CLIC4: variants seen among roughly 807,000 people sequenced by gnomAD.
CLIC4 encodes CLIC family member 4.
A neutral mutation model predicts 24.6 loss-of-function variants in CLIC4; 13 were observed. That is an observed-to-expected ratio of 0.53 (90% CI 0.34 to 0.84). The LOEUF (loss-of-function observed/expected upper bound fraction) is 0.84. Ranked by LOEUF, CLIC4 falls within the 40% of genes least tolerant of loss-of-function variation. The pLI is 0.01. For missense variants in CLIC4, 227 were observed against 301.7 expected (o/e 0.75, Z 1.83); for synonymous variants, 104 against 111.3 (o/e 0.93, Z 0.41).
intron 2 of CLIC4, among the ~76,000 whole-genome samples, chr1:24,799,544 T>A (rs1460663471): frequency 1.3e-4 from 20 of 148,780 alleles, no homozygotes; most frequent in African/African-American, 4.2e-4. Context: ...AGCCCCCCCA[T>A]CTGGGAAGTG....
intron 1 of CLIC4, among the ~76,000 whole-genome samples, chr1:24,748,546 C>T (rs528868148): frequency 1.2e-4 from 15 of 124,022 alleles, no homozygotes; most frequent in Middle Eastern, 5.0e-3. Context: ...CTCGCTCTGT[C>T]ACCCTGGCTG....
intron 3 of CLIC4, among the ~76,000 whole-genome samples, chr1:24,814,756 A>G (rs1477039331): frequency 6.6e-6 from 1 of 152,232 alleles, no homozygotes; most frequent in East Asian, 1.9e-4. Context: ...GATGTACTGT[A>G]ATGATAGTTA....
chr1:24,768,852 G>C (rs1639039118), intron 1 of CLIC4, among the ~76,000 whole-genome samples: 2 of 145,994 alleles, frequency 1.4e-5, no homozygotes, highest in Non-Finnish European at 3.0e-5. Flanking sequence ...AGTGAGCCGA[G>C]ATTGTGCCAC....
intron 1 of CLIC4, among the ~76,000 whole-genome samples, chr1:24,760,860 AG>A (rs1035474035): frequency 3.3e-4 from 51 of 152,240 alleles, no homozygotes; most frequent in Admixed American, 1.0e-3. Context: ...TGACAATGAT[AG>A]GGGGTGCTAT....
intron 3 of CLIC4, among the ~76,000 whole-genome samples, chr1:24,822,266 G>A (rs1639742117): frequency 6.6e-6 from 1 of 150,968 alleles, no homozygotes; most frequent in South Asian, 2.1e-4. Flanking sequence ...AAAGGTAGGA[G>A]AGAAATCAAA....
intron 4 of CLIC4, among the ~76,000 whole-genome samples, chr1:24,830,300 T>C (rs900926705): frequency 1.1e-4 from 16 of 152,204 alleles, no homozygotes; most frequent in African/African-American, 3.9e-4. Context: ...ATTATGTGCA[T>C]ACATTATGCA....
At chr1:24,803,727 A>T (rs1207124212) in intron 2 of CLIC4, among the ~76,000 whole-genome samples, 1 of 152,232 alleles carries the variant, frequency 6.6e-6, no homozygotes, top group African/African-American at 2.4e-5. Flanking sequence ...GGGCAGAGTT[A>T]AAGATGTTCT....
intron 3 of CLIC4, among the ~76,000 whole-genome samples, chr1:24,826,160 T>C (rs1302713867): frequency 6.6e-6 from 1 of 152,224 alleles, no homozygotes; most frequent in Non-Finnish European, 1.5e-5. Flanking sequence ...AGAAAGCTGG[T>C]GTATTACATC....
Position 24,745,535 on chromosome 1 carries a change from G to T in CLIC4, c.-19G>T. On this transcript the variant is annotated 5_prime_UTR_variant, in exon 1 of 6. Transcript: ENST00000374379. ...GCAGCAGCAGCCCTCGCCGTTCGCG[G>T]AGCGCAGCCGAGCCGGCCATGGCGT... 2 of 1,575,742 alleles carry T rather than the reference G, an allele frequency of 1.3e-6. No homozygotes were observed. The highest frequency in any genetic ancestry group is 1.7e-6 in the Non-Finnish European group (2 of 1,164,808).
At chr1:24,818,200 T>G (rs2124156987) in intron 3 of CLIC4, among the ~76,000 whole-genome samples, 1 of 152,244 alleles carries the variant, frequency 6.6e-6, no homozygotes, top group South Asian at 2.1e-4. Context: ...AAACGTAATA[T>G]CTGCAAAGCA....
intron 1 of CLIC4, chr1:24,777,947 C>T (rs1235194131): frequency 1.3e-5 from 2 of 152,144 alleles, no homozygotes; most frequent in African/African-American, 2.4e-5. Flanking sequence ...TGAATTGTCC[C>T]AATTTTAGTA....
At chr1:24,816,262 G>A (rs1451521595) in intron 3 of CLIC4, among the ~76,000 whole-genome samples, 1 of 113,358 alleles carries the variant, frequency 8.8e-6, no homozygotes, top group Non-Finnish European at 1.9e-5. Flanking sequence ...TTTTTGGACG[G>A]AGTTTTCGTT....
At chr1:24,748,116 G>A (rs1168628086) in intron 1 of CLIC4, among the ~76,000 whole-genome samples, 4 of 151,976 alleles carry the variant, frequency 2.6e-5, no homozygotes, top group Non-Finnish European at 5.9e-5. Context: ...AAGAAGACAA[G>A]AAAAATTAAG....
At chr1:24,829,457 C>T (rs763200142) in intron 4 of CLIC4, among the ~76,000 whole-genome samples, 1 of 152,030 alleles carries the variant, frequency 6.6e-6, no homozygotes, top group Non-Finnish European at 1.5e-5. Flanking sequence ...GTTTATGTAA[C>T]CATTTAGGCA....
intron 1 of CLIC4, among the ~76,000 whole-genome samples, chr1:24,782,562 AATAT>A (rs1268766239): frequency 6.6e-6 from 1 of 152,236 alleles, no homozygotes; most frequent in Non-Finnish European, 1.5e-5. Context: ...TCTTGAAGAT[AATAT>A]ATAAATGATG....
rs1286371917 is a variant in CLIC4 at position 24,842,656 on chromosome 1, T to G, written c.*1719T>G. 1 of 152,194 alleles carries G rather than the reference T, an allele frequency of 6.6e-6. No individual in the cohort carries two copies. The highest frequency in any genetic ancestry group is 1.5e-5 in the Non-Finnish European group (1 of 68,012). The allele number at this position is 152,194 out of a possible 1,614,324, so 9.4% of individuals were successfully genotyped here. On this transcript the variant is annotated 3_prime_UTR_variant, in exon 6 of 6. Coordinates refer to ENST00000374379, the MANE Select transcript of CLIC4 (RefSeq NM_013943.3). Reference sequence around the variant, plus strand: ...AGGAAGATTCTTTGCCTTACCTTTCTTAGAACTCTTTATTGCTTATCAAAA... The same window carrying G: ...AGGAAGATTCTTTGCCTTACCTTTCGTAGAACTCTTTATTGCTTATCAAAA...
intron 3 of CLIC4, among the ~76,000 whole-genome samples, chr1:24,815,325 C>A (rs543609827): frequency 2.0e-4 from 31 of 152,070 alleles, no homozygotes; most frequent in Admixed American, 7.9e-4. Context: ...TGAAGAAACC[C>A]CGTCTCTACT....
intron 2 of CLIC4, among the ~76,000 whole-genome samples, chr1:24,801,138 G>A (rs1383135264): frequency 6.6e-6 from 1 of 151,668 alleles, no homozygotes; most frequent in African/African-American, 2.4e-5. Flanking sequence ...GATTCCTCTT[G>A]ATGCAAGTGT....
intron 1 of CLIC4, among the ~76,000 whole-genome samples, chr1:24,759,636 T>C (rs1198880036): frequency 6.6e-6 from 1 of 152,196 alleles, no homozygotes; most frequent in African/African-American, 2.4e-5. Context: ...TCTATTACAC[T>C]GCTTATTATC....
Sources: allele counts gnomAD v4.1 joint callset (sites outside exome capture counted in the v4.1 genomes callset), GRCh38; gene constraint gnomAD v4.1.1; transcripts MANE v1.5; gene names NCBI Gene and HGNC (gene_info 2026-07-23, HGNC 2026-07-21).